The following NXPH1 variants were observed in gnomAD, a reference collection of about 807,000 sequenced individuals.
NXPH1 encodes the protein neurexophilin-1.
A neutral mutation model predicts 23.7 loss-of-function variants in NXPH1; 5 were observed. The ratio of observed to expected loss-of-function variants is 0.21; its 90% confidence interval spans 0.11 to 0.44. The LOEUF (loss-of-function observed/expected upper bound fraction) is 0.44. Ranked by LOEUF, NXPH1 falls within the 20% of genes least tolerant of loss-of-function variation. NXPH1 has a pLI of 0.99. For missense variants in NXPH1, 324 were observed against 321.6 expected, an observed-to-expected ratio of 1.01 and a Z score of -0.06; for synonymous variants, 144 against 122.2, an observed-to-expected ratio of 1.18 and a Z score of -1.18.
intron 2 of NXPH1, among the ~76,000 whole-genome samples, chr7:8,739,493 C>T (rs1780324903): frequency 6.6e-6 from 1 of 152,118 alleles, no homozygotes; most frequent in African/African-American, 2.4e-5. Context: ...TCTAACCATT[C>T]CCTGTGAGAT....
At chr7:8,460,730 C>G (rs1467384195) in intron 2 of NXPH1, among the ~76,000 whole-genome samples, 3 of 152,172 alleles carry the variant, frequency 2.0e-5, no homozygotes, top group Non-Finnish European at 4.4e-5. Context: ...AAAGAAAAAC[C>G]ACATGAGCCT....
At chr7:8,475,535 T>A (rs939308004) in intron 2 of NXPH1, among the ~76,000 whole-genome samples, 1 of 152,130 alleles carries the variant, frequency 6.6e-6, no homozygotes, top group African/African-American at 2.4e-5. Flanking sequence ...AGCAGAAAAG[T>A]GATCCTCTGT....
At chr7:8,599,481 G>T (rs1819305181) in intron 2 of NXPH1, among the ~76,000 whole-genome samples, 1 of 151,902 alleles carries the variant, frequency 6.6e-6, no homozygotes, top group African/African-American at 2.4e-5. Context: ...AATTTTCTTG[G>T]CTTAGTGTAT....
intron 2 of NXPH1, among the ~76,000 whole-genome samples, chr7:8,436,930 C>T (rs1816205647): frequency 6.6e-6 from 1 of 152,228 alleles, no homozygotes; most frequent in Non-Finnish European, 1.5e-5. Flanking sequence ...GGCTGCAAAG[C>T]TGCGAGTTGT....
At chr7:8,623,157 C>T (rs907679279) in intron 2 of NXPH1, among the ~76,000 whole-genome samples, 1 of 151,990 alleles carries the variant, frequency 6.6e-6, no homozygotes, top group East Asian at 1.9e-4. Flanking sequence ...AACTAAGAGG[C>T]CTGAATTTAA....
chr7:8,582,959 C>A (rs984505), intron 2 of NXPH1, among the ~76,000 whole-genome samples: 50,903 of 152,062 alleles, frequency 0.33, 10,154 homozygotes, highest in African/African-American at 0.57. Context: ...ACCCTCAGCA[C>A]CCCCTTGGCC....
chr7:8,501,073 G>A (rs1012517241), intron 2 of NXPH1, among the ~76,000 whole-genome samples: 1 of 152,068 alleles, frequency 6.6e-6, no homozygotes, highest in African/African-American at 2.4e-5. Flanking sequence ...TTGTTTATGA[G>A]TTGGGATCTT....
Position 8,435,559 on chromosome 7 carries a change from C to A in NXPH1, c.-110-45C>A. 3.0e-6 allele frequency: 2 copies of A among 675,732 alleles called. No homozygotes were observed. Among genetic ancestry groups the A allele is most frequent in the Non-Finnish European group, 5.4e-6 (2 of 371,484 alleles). The allele number at this position is 675,732 out of a possible 1,614,324, so 41.9% of individuals were successfully genotyped here. On this transcript the variant is annotated intron_variant, in intron 1 of 2. Transcript: ENST00000405863. The surrounding 1 kb of genome is among the most constrained non-coding windows in gnomAD (Gnocchi z 5.9). ...TTCCCCGCTTGATTGTCAAGCCTAA[C>A]CTTGCCCGCGTAGTCATGGGATGTC...
intron 2 of NXPH1, among the ~76,000 whole-genome samples, chr7:8,514,013 G>T (rs1400148046): frequency 2.6e-5 from 4 of 151,940 alleles, no homozygotes. Flanking sequence ...TCTTCACTTT[G>T]TTTTCTCTCT....
At chr7:8,445,845 T>G (rs925331374) in intron 2 of NXPH1, among the ~76,000 whole-genome samples, 2 of 152,222 alleles carry the variant, frequency 1.3e-5, no homozygotes, top group African/African-American at 4.8e-5. Flanking sequence ...GACATTGCAC[T>G]GTTGTCCTGT....
At chr7:8,484,177 A>G (rs1817120954) in intron 2 of NXPH1, among the ~76,000 whole-genome samples, 1 of 152,096 alleles carries the variant, frequency 6.6e-6, no homozygotes, top group Non-Finnish European at 1.5e-5. Context: ...TCACTAAGAC[A>G]CTGCCCTACC....
intron 2 of NXPH1, among the ~76,000 whole-genome samples, chr7:8,443,865 C>A (rs1219649706): frequency 1.3e-5 from 2 of 152,076 alleles, no homozygotes; most frequent in East Asian, 3.9e-4. Flanking sequence ...AAACAAACAA[C>A]GACGAACAAC....
intron 2 of NXPH1, among the ~76,000 whole-genome samples, chr7:8,722,558 T>C (rs1779986244): frequency 6.6e-6 from 1 of 152,188 alleles, no homozygotes; most frequent in African/African-American, 2.4e-5. Flanking sequence ...TGCCTCTTTT[T>C]TAGGGGTTTG....
chr7:8,476,579 T>G (rs925299127), intron 2 of NXPH1, among the ~76,000 whole-genome samples: 1 of 152,094 alleles, frequency 6.6e-6, no homozygotes, highest in Non-Finnish European at 1.5e-5. Flanking sequence ...GGTGTTATGT[T>G]GTTTTTTAAT....
At chr7:8,444,766 T>C (rs1347889085) in intron 2 of NXPH1, among the ~76,000 whole-genome samples, 1 of 152,260 alleles carries the variant, frequency 6.6e-6, no homozygotes, top group Non-Finnish European at 1.5e-5. Context: ...AGATAGGATG[T>C]AGCAGTTTTA....
intron 2 of NXPH1, among the ~76,000 whole-genome samples, chr7:8,520,417 G>A (rs1196243560): frequency 1.3e-5 from 2 of 152,306 alleles, no homozygotes; most frequent in East Asian, 1.9e-4. Flanking sequence ...CAGACGGAAG[G>A]TGGCTTTCTC....
intron 2 of NXPH1, among the ~76,000 whole-genome samples, chr7:8,705,449 C>G (rs1343344125): frequency 2.0e-5 from 3 of 152,164 alleles, no homozygotes; most frequent in Non-Finnish European, 4.4e-5. Flanking sequence ...AGTAGTACTG[C>G]AACCCTAGAG....
chr7:8,556,010 C>G (rs887115204), intron 2 of NXPH1, among the ~76,000 whole-genome samples: 1 of 151,670 alleles, frequency 6.6e-6, no homozygotes, highest in Non-Finnish European at 1.5e-5. Flanking sequence ...TTCTCTCTAA[C>G]TATAATATAG....
chr7:8,742,877 A>T (rs1043723892), intron 2 of NXPH1, among the ~76,000 whole-genome samples: 7 of 152,210 alleles, frequency 4.6e-5, no homozygotes, highest in Non-Finnish European at 1.0e-4. Flanking sequence ...ACCAGCAGTG[A>T]TTTTGGACAA....
Sources: gnomAD v4.1 joint callset for allele counts (sites outside exome capture counted in the v4.1 genomes callset) on GRCh38, gnomAD v4.1.1 for gene constraint, Gnocchi (gnomAD v3.1) non-coding constraint, MANE v1.5 for transcripts, NCBI Gene and HGNC (gene_info 2026-07-23, HGNC 2026-07-21) for gene names.